Variants in SMOC1 observed in about 807,000 individuals in gnomAD.
SMOC1 encodes SPARC-related modular calcium-binding protein 1.
SMOC1 carries 22 observed loss-of-function variants against 56.3 expected under a neutral mutation model. That is an observed-to-expected ratio of 0.39 (90% CI 0.28 to 0.56). The LOEUF (loss-of-function observed/expected upper bound fraction) is 0.56. Ranked by LOEUF, SMOC1 falls within the 20% of genes least tolerant of loss-of-function variation. The probability of loss-of-function intolerance (pLI) is 0.61; values close to 1 mark genes in which losing one functional copy is unlikely to be tolerated. For synonymous variants in SMOC1, 193 were observed against 215.0 expected, an observed-to-expected ratio of 0.90 and a Z score of 0.89; for missense variants, 509 against 565.4, an observed-to-expected ratio of 0.90 and a Z score of 1.01.
chr14:69,954,081 T>C (rs1478863136), intron 3 of SMOC1, among the ~76,000 whole-genome samples: 1 of 152,212 alleles, frequency 6.6e-6, no homozygotes, highest in Non-Finnish European at 1.5e-5. Context: ...CAGGCAGTCC[T>C]ACCTCTCATC....
chr14:69,881,312 C>T (rs868805749), intron 1 of SMOC1, among the ~76,000 whole-genome samples: 1 of 152,146 alleles, frequency 6.6e-6, no homozygotes, highest in Admixed American at 6.5e-5. Context: ...GACCAGAGCA[C>T]CCCGACTGAA....
intron 1 of SMOC1, among the ~76,000 whole-genome samples, chr14:69,902,020 T>C (rs1358490811): frequency 6.6e-6 from 1 of 152,216 alleles, no homozygotes; most frequent in Non-Finnish European, 1.5e-5. Flanking sequence ...ACCTCCCAGT[T>C]CTAGGGTGAA....
At chr14:69,966,879 T>G (rs1390277745) in intron 3 of SMOC1, among the ~76,000 whole-genome samples, 1 of 152,218 alleles carries the variant, frequency 6.6e-6, no homozygotes, top group East Asian at 1.9e-4. Context: ...AACAATTTAT[T>G]TCCCCTGGCA....
chr14:70,030,104 C>A, intron 11 of SMOC1, 138 bp from the exon 12 acceptor site: 10 of 1,273,832 alleles, frequency 7.9e-6, no homozygotes, highest in Non-Finnish European at 6.6e-6. Context: ...TCATAGAGGA[C>A]AGCAGGTGGA....
intron 5 of SMOC1, among the ~76,000 whole-genome samples, chr14:69,989,938 A>G (rs1260809494): frequency 6.6e-6 from 1 of 152,242 alleles, no homozygotes; most frequent in Non-Finnish European, 1.5e-5. Flanking sequence ...GCCTTTGAGC[A>G]TGCTGGATGT....
intron 1 of SMOC1, among the ~76,000 whole-genome samples, chr14:69,908,978 C>T (rs531228821): frequency 6.6e-6 from 1 of 152,228 alleles, no homozygotes; most frequent in South Asian, 2.1e-4. Context: ...TTCTCTGCCT[C>T]CCAGCACTTT....
At chr14:69,945,121 C>A (rs1882733596) in intron 1 of SMOC1, among the ~76,000 whole-genome samples, 1 of 152,208 alleles carries the variant, frequency 6.6e-6, no homozygotes, top group East Asian at 1.9e-4. Flanking sequence ...GATATTCATT[C>A]ATTCATTCCT....
chr14:69,892,433 G>A lies in SMOC1; in HGVS notation c.99+12656G>A, dbSNP rs370368085. ...GTAATTGGGGAAATTTATTTAAAAC[G>A]TGTTGGTAAGCAAGCTGTATCGGAA... On this transcript the variant is annotated intron_variant, in intron 1 of 11. Transcript: ENST00000361956. Among the ~76,000 whole-genome samples, 27 of 152,352 alleles carry A rather than the reference G, an allele frequency of 1.8e-4. 2 individuals are homozygous for A. The highest frequency in any genetic ancestry group is 4.1e-4 in the African/African-American group (17 of 41,588).
chr14:70,010,709 A>G (rs1885302926), intron 7 of SMOC1, 45 bp from the exon 8 acceptor site: 2 of 1,601,708 alleles, frequency 1.2e-6, no homozygotes, highest in South Asian at 2.2e-5. Flanking sequence ...AGGAGTGTTA[A>G]ATCACAGGAG....
intron 4 of SMOC1, among the ~76,000 whole-genome samples, chr14:69,976,801 A>G (rs61977389): frequency 0.033 from 5,039 of 152,352 alleles, 117 homozygotes; most frequent in Non-Finnish European, 0.05. Context: ...AAAGTATAAA[A>G]CATTATGCTA....
At chr14:69,949,287 G>C (rs1882908420) in intron 1 of SMOC1, among the ~76,000 whole-genome samples, 1 of 152,168 alleles carries the variant, frequency 6.6e-6, no homozygotes, top group African/African-American at 2.4e-5. Flanking sequence ...GGTGGCAGGA[G>C]CCCGGAAAGC....
chr14:69,886,247 A>G, intron 1 of SMOC1: 1 of 638,904 alleles, frequency 1.6e-6, no homozygotes, highest in Non-Finnish European at 2.7e-6. Context: ...ATATCAGGCC[A>G]GCATCTTCCT....
intron 1 of SMOC1, chr14:69,885,731 C>T (rs1054628750): frequency 1.3e-5 from 19 of 1,469,552 alleles, no homozygotes; most frequent in South Asian, 2.3e-5. Flanking sequence ...AACTCCTGCT[C>T]GAAGGACAGG....
At chr14:69,970,011 A>T (rs530889924) in intron 3 of SMOC1, among the ~76,000 whole-genome samples, 1 of 152,020 alleles carries the variant, frequency 6.6e-6, no homozygotes, top group African/African-American at 2.4e-5. Flanking sequence ...TTGGTAGGAG[A>T]GTGAAAGAAG....
intron 1 of SMOC1, among the ~76,000 whole-genome samples, chr14:69,939,544 C>A (rs1882471252): frequency 6.6e-6 from 1 of 152,184 alleles, no homozygotes; most frequent in African/African-American, 2.4e-5. Flanking sequence ...TATGGAAAAC[C>A]AATCTCTGGA....
chr14:69,911,357 T>G (rs1427500247), intron 1 of SMOC1, among the ~76,000 whole-genome samples: 2 of 152,184 alleles, frequency 1.3e-5, no homozygotes, highest in East Asian at 3.8e-4. Flanking sequence ...CTTTCAAAGT[T>G]TATTTCAAAA....
intron 1 of SMOC1, among the ~76,000 whole-genome samples, chr14:69,880,812 G>A (rs1173971142): frequency 6.6e-6 from 1 of 152,186 alleles, no homozygotes; most frequent in Admixed American, 6.5e-5. Context: ...ACATCCTTGG[G>A]CCTGGCCCTT....
At chr14:69,895,689 A>G (rs369987979) in intron 1 of SMOC1, among the ~76,000 whole-genome samples, 6 of 152,238 alleles carry the variant, frequency 3.9e-5, no homozygotes, top group South Asian at 4.1e-4. Context: ...GCATCATTCC[A>G]TACTTCTTGT....
intron 1 of SMOC1, among the ~76,000 whole-genome samples, chr14:69,883,998 C>G (rs1321025468): frequency 6.8e-6 from 1 of 147,236 alleles, no homozygotes; most frequent in East Asian, 2.0e-4. Flanking sequence ...GCTCCGCTTC[C>G]CGGGTTCACG....
Sources: gnomAD v4.1 joint callset for allele counts (sites outside exome capture counted in the v4.1 genomes callset) on GRCh38, gnomAD v4.1.1 for gene constraint, MANE v1.5 for transcripts, NCBI Gene and HGNC (gene_info 2026-07-23, HGNC 2026-07-21) for gene names.